Variants in GRAMD1B observed in about 807,000 individuals in gnomAD.
The protein encoded by GRAMD1B is protein Aster-B.
In GRAMD1B, 37 loss-of-function variants were observed where a neutral mutation model predicts 99.7. The ratio of observed to expected loss-of-function variants is 0.37; its 90% CI spans 0.29 to 0.49. The LOEUF is 0.49. Among genes scored for constraint, GRAMD1B ranks in the 20% least tolerant of loss-of-function variants. The pLI is 0.98. For synonymous variants in GRAMD1B, 427 were observed against 387.6 expected (o/e 1.10, Z -1.19); for missense variants, 888 against 1,009.2 (o/e 0.88, Z 1.63).
intron 2 of GRAMD1B, among the ~76,000 whole-genome samples, chr11:123,533,015 G>T (rs1305266622): frequency 6.6e-6 from 1 of 152,188 alleles, no homozygotes; most frequent in Non-Finnish European, 1.5e-5. Flanking sequence ...TGTTGCCCAG[G>T]CTGAAGTGCA....
intron 1 of GRAMD1B, among the ~76,000 whole-genome samples, chr11:123,449,980 C>G (rs1402139147): frequency 6.6e-6 from 1 of 152,114 alleles, no homozygotes; most frequent in Non-Finnish European, 1.5e-5. Context: ...GCCTCAGCCT[C>G]CCAATGTGTT....
chr11:123,499,347 C>A (rs573328274), intron 2 of GRAMD1B, among the ~76,000 whole-genome samples: 3 of 152,140 alleles, frequency 2.0e-5, no homozygotes, highest in Non-Finnish European at 4.4e-5. Flanking sequence ...CAGAACTATA[C>A]GAAATAAATT....
intron 1 of GRAMD1B, among the ~76,000 whole-genome samples, chr11:123,452,797 A>G (rs1949946934): frequency 2.0e-5 from 3 of 152,228 alleles, no homozygotes; most frequent in African/African-American, 4.8e-5. Context: ...AATTCTGGCC[A>G]TGGCCTTTTG....
intron 2 of GRAMD1B, among the ~76,000 whole-genome samples, chr11:123,562,749 G>C (rs772288349): frequency 8.5e-5 from 13 of 152,104 alleles, no homozygotes; most frequent in Non-Finnish European, 1.9e-4. Flanking sequence ...CCGAAACTTG[G>C]ATTTGTCTCA....
chr11:123,546,901 T>G (rs1565355745), intron 2 of GRAMD1B, among the ~76,000 whole-genome samples: 1 of 152,124 alleles, frequency 6.6e-6, no homozygotes, highest in Non-Finnish European at 1.5e-5. Flanking sequence ...CTGTTCTTGG[T>G]GGGGGTTTGG....
chr11:123,452,486 A>C (rs1949932193), intron 1 of GRAMD1B, among the ~76,000 whole-genome samples: 1 of 152,134 alleles, frequency 6.6e-6, no homozygotes, highest in Non-Finnish European at 1.5e-5. Context: ...TCTCTACTAA[A>C]AATACAAAAA....
rs951825668 is a variant in GRAMD1B, at chr11:123,610,408, G to C, written c.1919+70G>C. 6.8e-7 allele frequency: 1 copy of C among 1,474,234 alleles called. No individual in the cohort carries two copies. Among genetic ancestry groups the C allele is most frequent in the African/African-American group, 1.4e-5 (1 of 72,286 alleles). The allele number at this position is 1,474,234 out of a possible 1,614,324, so 91.3% of individuals were successfully genotyped here. The stretch of plus-strand genomic sequence containing the variant: ...CCTTAGAGAACATTCATTTGCTCCT[G>C]ACGGGGAAGGAGGAGGTGGGGAGTG... On this transcript the variant is annotated intron_variant, in intron 14 of 19. Coordinates refer to ENST00000635736, the MANE Select transcript of GRAMD1B (RefSeq NM_001387025.1). This position sits in a 1 kb window ranked among gnomAD's most constrained non-coding sequence, Gnocchi z 4.1.
chr11:123,573,981 T>C (rs1035438361), intron 2 of GRAMD1B, among the ~76,000 whole-genome samples: 2 of 151,892 alleles, frequency 1.3e-5, no homozygotes, highest in Non-Finnish European at 2.9e-5. Flanking sequence ...CCAGGCTATG[T>C]GCTTTCAGTG....
intron 1 of GRAMD1B, among the ~76,000 whole-genome samples, chr11:123,468,660 G>A (rs1206528348): frequency 1.3e-5 from 2 of 151,846 alleles, no homozygotes; most frequent in Admixed American, 6.6e-5. Context: ...CCGGTGTGAT[G>A]GTGGCACAAC....
intron 2 of GRAMD1B, among the ~76,000 whole-genome samples, chr11:123,556,953 T>A (rs1166547915): frequency 6.6e-6 from 1 of 152,216 alleles, no homozygotes; most frequent in Non-Finnish European, 1.5e-5. Flanking sequence ...TAATGGCATG[T>A]CAGTAGCCCC....
chr11:123,580,136 T>C (rs188902169), intron 3 of GRAMD1B, among the ~76,000 whole-genome samples: 4 of 152,328 alleles, frequency 2.6e-5, no homozygotes, highest in Admixed American at 2.6e-4. Context: ...AGGACGGGCT[T>C]GTGCCAGGAG....
At chr11:123,473,980 G>A (rs756226122) in intron 1 of GRAMD1B, among the ~76,000 whole-genome samples, 19 of 152,162 alleles carry the variant, frequency 1.2e-4, no homozygotes, top group Admixed American at 2.6e-4. Flanking sequence ...AAATGCCAGA[G>A]TCATTTTATA....
chr11:123,434,889 T>C (rs1193241400), intron 1 of GRAMD1B, among the ~76,000 whole-genome samples: 1 of 152,254 alleles, frequency 6.6e-6, no homozygotes, highest in African/African-American at 2.4e-5. Flanking sequence ...ATCGATTAGC[T>C]ATGGAGATTA....
chr11:123,528,120 T>C (rs1193854052), intron 2 of GRAMD1B, among the ~76,000 whole-genome samples: 3 of 152,102 alleles, frequency 2.0e-5, no homozygotes, highest in Admixed American at 2.0e-4. Context: ...GTGGATGAAA[T>C]GCGGCTCCCT....
At chr11:123,513,561 C>T (rs1284311740) in intron 2 of GRAMD1B, among the ~76,000 whole-genome samples, 9 of 104,904 alleles carry the variant, frequency 8.6e-5, no homozygotes, top group African/African-American at 3.4e-4. Context: ...TCTTTCCTTC[C>T]TTCCTTCCTT....
At chr11:123,391,735 T>C (rs2135857965) in intron 1 of GRAMD1B, among the ~76,000 whole-genome samples, 1 of 152,288 alleles carries the variant, frequency 6.6e-6, no homozygotes, top group South Asian at 2.1e-4. Flanking sequence ...GGATTACAGG[T>C]GTGAGCCACC....
At chr11:123,516,464 C>CAGTGATAGTAGCAATATGTTCCGA (rs1174936910) in intron 2 of GRAMD1B, among the ~76,000 whole-genome samples, 7 of 152,192 alleles carry the variant, frequency 4.6e-5, no homozygotes, top group Non-Finnish European at 1.0e-4. Flanking sequence ...TATTTATTGG[C>CAGTGATAGTAGCAATATGTTCCGA]AGTGATAGTA....
intron 1 of GRAMD1B, among the ~76,000 whole-genome samples, chr11:123,398,451 C>T (rs565839365): frequency 2.0e-5 from 3 of 152,242 alleles, no homozygotes; most frequent in South Asian, 2.1e-4. Context: ...TCAAATAGAT[C>T]GACATATTAA....
At chr11:123,395,109 T>C (rs993102471) in intron 1 of GRAMD1B, among the ~76,000 whole-genome samples, 7 of 152,192 alleles carry the variant, frequency 4.6e-5, no homozygotes, top group African/African-American at 1.7e-4. Flanking sequence ...CCCCTAAGTA[T>C]AGGACTGTAT....
Sources: allele counts gnomAD v4.1 joint callset (sites outside exome capture counted in the v4.1 genomes callset), GRCh38; gene constraint gnomAD v4.1.1; non-coding constraint Gnocchi (gnomAD v3.1); transcripts MANE v1.5; gene names NCBI Gene and HGNC (gene_info 2026-07-23, HGNC 2026-07-21).